The following KIAA0825 variants were observed in gnomAD, a reference collection of about 807,000 sequenced individuals.
The protein encoded by KIAA0825 is uncharacterized protein KIAA0825.
KIAA0825 carries 119 observed loss-of-function variants against 147.6 expected under a neutral mutation model. That is an observed-to-expected ratio of 0.81 (90% CI 0.69 to 0.94). The LOEUF (loss-of-function observed/expected upper bound fraction) is 0.94, where lower values mean the gene tolerates loss of function less well. Ranked by LOEUF, KIAA0825 falls within the 40% of genes least tolerant of loss-of-function variation. The pLI is 0.00. For synonymous variants in KIAA0825, 470 were observed against 518.1 expected, an observed-to-expected ratio of 0.91 and a Z score of 1.26; for missense variants, 1,381 against 1,472.7, an observed-to-expected ratio of 0.94 and a Z score of 1.02.
At chr5:94,369,874 C>T (rs1746417773) in intron 20 of KIAA0825, among the ~76,000 whole-genome samples, 1 of 152,000 alleles carries the variant, frequency 6.6e-6, no homozygotes, top group African/African-American at 2.4e-5. Context: ...ACACAAGAAG[C>T]CATAGTTTCA....
intron 1 of KIAA0825, among the ~76,000 whole-genome samples, chr5:94,617,621 G>A (rs944734449): frequency 3.3e-5 from 5 of 152,144 alleles, no homozygotes. Context: ...GGGTTGGTGG[G>A]GAGGTAATTA....
chr5:94,169,996 G>T lies in KIAA0825; in HGVS notation c.3711-15872C>A, dbSNP rs116330550. ...AGAGCTAATGCTCTTACCCATAAGG[G>T]TACATCTCCCACGTAAGCTATCTCT... On this transcript the variant is annotated intron_variant, in intron 20 of 20. Transcript: ENST00000682413. 3.4e-3 allele frequency among the ~76,000 whole-genome samples: 513 copies of T among 152,214 alleles called. 3 individuals are homozygous for T. Among genetic ancestry groups the T allele is most frequent in the African/African-American group, 0.012 (504 of 41,526 alleles).
At chr5:94,441,935 C>T (rs1311599370) in intron 13 of KIAA0825, among the ~76,000 whole-genome samples, 1 of 152,202 alleles carries the variant, frequency 6.6e-6, no homozygotes, top group East Asian at 1.9e-4. Context: ...CAAGTTTACA[C>T]ATTTCAGCAC....
intron 2 of KIAA0825, among the ~76,000 whole-genome samples, chr5:94,546,639 G>C (rs1597696): frequency 0.022 from 3,282 of 151,902 alleles, 129 homozygotes; most frequent in African/African-American, 0.076. Flanking sequence ...TACCAAGGTG[G>C]TACCTCTATA....
intron 20 of KIAA0825, among the ~76,000 whole-genome samples, chr5:94,307,498 T>C (rs1778820198): frequency 6.6e-6 from 1 of 151,820 alleles, no homozygotes; most frequent in South Asian, 2.1e-4. Flanking sequence ...CACTGTGACC[T>C]GGTTCCAATC....
At chr5:94,466,827 A>C (rs1036305442) in intron 10 of KIAA0825, among the ~76,000 whole-genome samples, 1 of 151,426 alleles carries the variant, frequency 6.6e-6, no homozygotes, top group Non-Finnish European at 1.5e-5. Context: ...TTTCTTTGTC[A>C]TGTGTTTTGA....
intron 2 of KIAA0825, among the ~76,000 whole-genome samples, chr5:94,557,631 A>G (rs1776791732): frequency 6.6e-6 from 1 of 152,124 alleles, no homozygotes; most frequent in Non-Finnish European, 1.5e-5. Flanking sequence ...CTCACACGTG[A>G]CCAATCAGGT....
At chr5:94,178,201 T>C (rs1176993911) in intron 20 of KIAA0825, among the ~76,000 whole-genome samples, 3 of 152,030 alleles carry the variant, frequency 2.0e-5, no homozygotes, top group Non-Finnish European at 4.4e-5. Context: ...AGGATTTGAC[T>C]TGGCATTTTT....
intron 13 of KIAA0825, among the ~76,000 whole-genome samples, chr5:94,441,921 G>A (rs1757132296): frequency 6.6e-6 from 1 of 152,048 alleles, no homozygotes; most frequent in Non-Finnish European, 1.5e-5. Flanking sequence ...TCTCTTCATA[G>A]TGGCAAGTTT....
chr5:94,502,176 TTAAA>T (rs1035225547), intron 5 of KIAA0825, among the ~76,000 whole-genome samples: 1 of 152,104 alleles, frequency 6.6e-6, no homozygotes, highest in Non-Finnish European at 1.5e-5. Context: ...ATTATACACT[TTAAA>T]TATGTATGTA....
rs184997890 is a variant in KIAA0825, at chr5:94,262,771, A to T, written c.3711-108647T>A. On this transcript the variant is annotated intron_variant, in intron 20 of 20. Transcript: ENST00000682413. ...ATTTAAGGATACATACACATCTCTCATTGATGGAAATGGTGATGAAGGGCT... is the reference window on the plus strand; with the variant it reads ...ATTTAAGGATACATACACATCTCTCTTTGATGGAAATGGTGATGAAGGGCT... Among the ~76,000 whole-genome samples, 31 of 151,548 alleles carry T rather than the reference A, an allele frequency of 2.0e-4. 1 individual carries two copies. The East Asian group carries it at 6.0e-3, about 29-fold the overall frequency.
chr5:94,187,426 T>A (rs1770238929), intron 20 of KIAA0825, among the ~76,000 whole-genome samples: 1 of 127,984 alleles, frequency 7.8e-6, no homozygotes, highest in Non-Finnish European at 1.7e-5. Context: ...TTTTTTTTAA[T>A]TTTTTTTTGT....
At chr5:94,329,966 T>C (rs1040325421) in intron 20 of KIAA0825, among the ~76,000 whole-genome samples, 4 of 151,748 alleles carry the variant, frequency 2.6e-5, no homozygotes, top group Non-Finnish European at 5.9e-5. Context: ...AGACCCTGTT[T>C]AAAGGGTACA....
chr5:94,583,504 GCAAA>G (rs1235498206), intron 1 of KIAA0825, among the ~76,000 whole-genome samples: 1 of 152,208 alleles, frequency 6.6e-6, no homozygotes, highest in African/African-American at 2.4e-5. Context: ...TGCTCACAGT[GCAAA>G]CAAAGTGGCC....
At chr5:94,564,188 CA>C (rs1172287614) in intron 2 of KIAA0825, among the ~76,000 whole-genome samples, 1 of 151,084 alleles carries the variant, frequency 6.6e-6, no homozygotes, top group African/African-American at 2.4e-5. Flanking sequence ...GTTCCTTTAC[CA>C]GCTCTTTTTC....
intron 5 of KIAA0825, among the ~76,000 whole-genome samples, chr5:94,496,426 C>G (rs1764363377): frequency 6.6e-6 from 1 of 152,114 alleles, no homozygotes; most frequent in African/African-American, 2.4e-5. Flanking sequence ...AAAAGTTTGT[C>G]AACCCCTGCC....
chr5:94,369,961 G>A (rs914886902), intron 20 of KIAA0825, among the ~76,000 whole-genome samples: 4 of 152,134 alleles, frequency 2.6e-5, no homozygotes, highest in Non-Finnish European at 5.9e-5. Context: ...AAACATAAAT[G>A]TATGGTACAA....
In KIAA0825 at chr5:94,368,413, T is replaced by A. The variant is rs563538045; in HGVS notation, c.3710+15955A>T. Among the ~76,000 whole-genome samples the A allele has an allele frequency of 1.7e-4, 26 of 152,256 alleles. No individual in the cohort carries two copies. The East Asian group carries it at 4.6e-3, about 27-fold the overall frequency. ...GTCTCGAACTCCTAGGCTCAAGGGA[T>A]CCACCCACCCTGGACCTCCCAAAGT... On this transcript the variant is annotated intron_variant, in intron 20 of 20. Coordinates refer to ENST00000682413, the MANE Select transcript of KIAA0825 (RefSeq NM_001145678.3).
rs545736303 is a variant in KIAA0825, at chr5:94,152,255, T to G, written c.*1752A>C. ...TTTTACTCTTTGAAAAATGCATGAG[T>G]ACTTTCCTTTGGAAATCATGTAGCC... is the stretch of plus-strand genomic sequence containing the variant. On this transcript the variant is annotated 3_prime_UTR_variant, in exon 21 of 21. Coordinates refer to ENST00000682413, the MANE Select transcript of KIAA0825 (RefSeq NM_001145678.3). 2.6e-5 allele frequency among the ~76,000 whole-genome samples: 4 copies of G among 152,328 alleles called. No homozygotes were observed. In the South Asian group the frequency reaches 8.3e-4, roughly 32 times the overall value.
Sources: gnomAD v4.1 joint callset for allele counts (sites outside exome capture counted in the v4.1 genomes callset) on GRCh38, gnomAD v4.1.1 for gene constraint, MANE v1.5 for transcripts, NCBI Gene and HGNC (gene_info 2026-07-23, HGNC 2026-07-21) for gene names.